The following PTPRK variants were observed in gnomAD, a reference collection of about 807,000 sequenced individuals.
PTPRK encodes the protein receptor-type tyrosine-protein phosphatase kappa.
In PTPRK, 75 loss-of-function variants were observed where a neutral mutation model predicts 178.0. The observed-to-expected ratio is 0.42, with a 90% CI of 0.35 to 0.51. The LOEUF (loss-of-function observed/expected upper bound fraction) is 0.51. PTPRK is among the 20% of genes least tolerant of loss of function. PTPRK has a pLI of 0.02. For missense variants in PTPRK, 1,441 were observed against 1,797.8 expected (o/e 0.80, Z 3.59); for synonymous variants, 637 against 620.6 (o/e 1.03, Z -0.39).
At chr6:128,217,240 A>G (rs1809489994) in intron 6 of PTPRK, among the ~76,000 whole-genome samples, 1 of 152,184 alleles carries the variant, frequency 6.6e-6, no homozygotes, top group African/African-American at 2.4e-5. Context: ...ATACTATCAT[A>G]TTTTCTTAAT....
At chr6:128,489,162 C>A (rs764982368) in intron 1 of PTPRK, among the ~76,000 whole-genome samples, 1 of 152,000 alleles carries the variant, frequency 6.6e-6, no homozygotes, top group East Asian at 1.9e-4. Flanking sequence ...TCCACAGCAA[C>A]GAATATTAGT....
At chr6:128,286,217 T>C (rs1023862475) in intron 3 of PTPRK, among the ~76,000 whole-genome samples, 3 of 152,188 alleles carry the variant, frequency 2.0e-5, no homozygotes, top group African/African-American at 7.2e-5. Context: ...GTTGTTTTCT[T>C]TACATTTACT....
At chr6:128,279,104 T>G (rs1821267557) in intron 3 of PTPRK, among the ~76,000 whole-genome samples, 1 of 151,980 alleles carries the variant, frequency 6.6e-6, no homozygotes, top group South Asian at 2.1e-4. Flanking sequence ...GCCTAAGCAC[T>G]TATGTAGAGG....
Position 128,159,200 on chromosome 6 carries a change from GA to G in PTPRK, c.1162+25231del, listed in dbSNP as rs1467901067. 4.6e-5 allele frequency among the ~76,000 whole-genome samples: 7 copies of G among 151,706 alleles called. No individual in the cohort carries two copies. In the South Asian group the frequency reaches 1.5e-3, roughly 32 times the overall value. On this transcript the variant is annotated intron_variant, in intron 7 of 29. Transcript: ENST00000368226. ...GCAAAAAAGAACTGGAACCATTACA[GA>G]AAAAAAGAAATTCTGAAACCTAAAT...
At chr6:128,445,236 T>G (rs1315831668) in intron 1 of PTPRK, among the ~76,000 whole-genome samples, 1 of 146,316 alleles carries the variant, frequency 6.8e-6, no homozygotes, top group East Asian at 1.9e-4. Flanking sequence ...TATATAATAG[T>G]ATAAATACTA....
chr6:128,398,591 A>G (rs1207524864), intron 1 of PTPRK, among the ~76,000 whole-genome samples: 1 of 152,202 alleles, frequency 6.6e-6, no homozygotes, highest in Non-Finnish European at 1.5e-5. Flanking sequence ...AAGTTTTACT[A>G]ACATCTTTGC....
intron 1 of PTPRK, among the ~76,000 whole-genome samples, chr6:128,516,428 A>G (rs898116589): frequency 1.3e-5 from 2 of 152,208 alleles, no homozygotes; most frequent in African/African-American, 4.8e-5. Context: ...GTCCAGCTAC[A>G]TATGATTGCT....
chr6:128,375,058 C>CATCATTATT (rs374912859), intron 2 of PTPRK, among the ~76,000 whole-genome samples: 110 of 132,278 alleles, frequency 8.3e-4, no homozygotes, highest in Middle Eastern at 7.6e-3. Flanking sequence ...AGAAACACTG[C>CATCATTATT]ATTATTATTA....
chr6:128,197,581 T>C (rs1805117365), intron 6 of PTPRK, among the ~76,000 whole-genome samples: 1 of 152,078 alleles, frequency 6.6e-6, no homozygotes, highest in African/African-American at 2.4e-5. Flanking sequence ...CATTGTATAT[T>C]TTCTTCTTTA....
At chr6:128,007,227 A>G (rs1297393552) in intron 14 of PTPRK, among the ~76,000 whole-genome samples, 2 of 150,884 alleles carry the variant, frequency 1.3e-5, no homozygotes, top group Admixed American at 6.6e-5. Flanking sequence ...AAAAGTCATT[A>G]CAAAATTGCT....
chr6:128,079,905 C>T (rs1052018801), intron 10 of PTPRK, among the ~76,000 whole-genome samples: 1 of 151,962 alleles, frequency 6.6e-6, no homozygotes, highest in East Asian at 1.9e-4. Flanking sequence ...GGCTTTCTAA[C>T]ACACAGATTA....
chr6:128,490,675 C>T (rs1055728444), intron 1 of PTPRK, among the ~76,000 whole-genome samples: 2 of 152,172 alleles, frequency 1.3e-5, no homozygotes, highest in African/African-American at 2.4e-5. Context: ...CTTCATTTTC[C>T]CACACAGCAA....
At chr6:128,485,265 T>C (rs1852644395) in intron 1 of PTPRK, among the ~76,000 whole-genome samples, 1 of 152,224 alleles carries the variant, frequency 6.6e-6, no homozygotes, top group Admixed American at 6.5e-5. Flanking sequence ...CATCAGGTTC[T>C]AAGTAAGTAA....
At chr6:128,382,409 T>TG (rs1838068708) in intron 2 of PTPRK, among the ~76,000 whole-genome samples, 1 of 86,370 alleles carries the variant, frequency 1.2e-5, no homozygotes, top group East Asian at 2.9e-4. Context: ...ATATGAAAAT[T>TG]CTTTTTTTTT....
At chr6:128,156,395 C>T (rs149808603) in intron 7 of PTPRK, among the ~76,000 whole-genome samples, 341 of 151,948 alleles carry the variant, frequency 2.2e-3, no homozygotes, top group Non-Finnish European at 3.4e-3. Flanking sequence ...ATAGGCTTAA[C>T]AGGAAGCATG....
chr6:128,097,913 A>G (rs1788167126), intron 7 of PTPRK, among the ~76,000 whole-genome samples: 1 of 152,190 alleles, frequency 6.6e-6, no homozygotes, highest in African/African-American at 2.4e-5. Flanking sequence ...AAAATGTAAT[A>G]TGGAAAACAC....
At chr6:127,987,358 A>G (rs1185192456) in intron 21 of PTPRK, among the ~76,000 whole-genome samples, 1 of 152,090 alleles carries the variant, frequency 6.6e-6, no homozygotes, top group Non-Finnish European at 1.5e-5. Context: ...CATATTCTGG[A>G]ACATGGTGCA....
At chr6:128,015,672 T>C (rs1779518774) in intron 13 of PTPRK, among the ~76,000 whole-genome samples, 1 of 151,776 alleles carries the variant, frequency 6.6e-6, no homozygotes, top group South Asian at 2.1e-4. Context: ...ATTTTCAACC[T>C]CATCTTCTGA....
chr6:128,148,271 G>A (rs2114544427), intron 7 of PTPRK, among the ~76,000 whole-genome samples: 1 of 152,268 alleles, frequency 6.6e-6, no homozygotes, highest in South Asian at 2.1e-4. Context: ...ACTTAAGTAG[G>A]TAGATGCTGC....
Sources: gnomAD v4.1 joint callset for allele counts (sites outside exome capture counted in the v4.1 genomes callset) on GRCh38, gnomAD v4.1.1 for gene constraint, MANE v1.5 for transcripts, NCBI Gene and HGNC (gene_info 2026-07-23, HGNC 2026-07-21) for gene names.